HERC1: variants seen among roughly 807,000 people sequenced by gnomAD.
HERC1 encodes the protein probable E3 ubiquitin-protein ligase HERC1.
Under a neutral mutation model 554.3 loss-of-function variants are expected in HERC1, and 160 were observed. That is an observed-to-expected ratio of 0.29 (90% confidence interval 0.25 to 0.33). The LOEUF is 0.33. HERC1 is among the 10% of genes least tolerant of loss of function. The pLI is 1.00. For synonymous variants in HERC1, 2,175 were observed against 2,131.7 expected, an observed-to-expected ratio of 1.02 and a Z score of -0.56; for missense variants, 4,919 against 5,918.5, an observed-to-expected ratio of 0.83 and a Z score of 5.54.
intron 25 of HERC1, among the ~76,000 whole-genome samples, chr15:63,701,818 T>A: frequency 6.7e-6 from 1 of 150,134 alleles, no homozygotes; most frequent in East Asian, 1.9e-4. Context: ...AGAACTTTAA[T>A]TTTTTTTTTA....
At chr15:63,698,618 G>A (rs2072558809) in intron 26 of HERC1, 110 bp downstream of exon 26, 1 of 1,060,556 alleles carries the variant, frequency 9.4e-7, no homozygotes, top group Admixed American at 2.9e-5. Flanking sequence ...TACAGGAAAG[G>A]GGAAGGCAAG....
Position 63,754,504 on chromosome 15 carries a change from C to A in HERC1, c.1774+1G>T. On this transcript the variant is annotated splice_donor_variant, in intron 7 of 77. Coordinates refer to ENST00000443617, the MANE Select transcript of HERC1 (RefSeq NM_003922.4). LOFTEE classifies it high-confidence loss of function. The stretch of plus-strand genomic sequence containing the variant: ...CTACTGATAAATAATTTTTTACATA[C>A]CATTGTCTCCTCCTCCAAAAGACCA... The A allele has an allele frequency of 6.3e-7, 1 of 1,579,812 alleles. No homozygotes were observed. Among genetic ancestry groups the A allele is most frequent in the Non-Finnish European group, 8.6e-7 (1 of 1,166,534 alleles).
In HERC1 at chr15:63,775,578, A is replaced by T; in HGVS notation, c.46T>A (p.Leu16Met). The change falls in exon 2 of 78, where the codon TTG (leucine) becomes ATG (methionine). Residue 16 changes from leucine (L) to methionine (M), a missense_variant. Physicochemically the swap from Leu to Met is conservative, Grantham distance 15 (BLOSUM62 2). Transcript: ENST00000443617. This position sits in a 1 kb window ranked among gnomAD's most constrained non-coding sequence, Gnocchi z 4.0. The stretch of plus-strand genomic sequence containing the variant: ...TCCTCTGTAATCCAGGAGCTGTTCA[A>T]GTGTTCAAGCCATTTCAGCTTCACT... ...PPVKLKWLEH[L>M]NSSWITEDSE... 1.2e-6 allele frequency: 2 copies of T among 1,611,146 alleles called. No individual in the cohort carries two copies. Among genetic ancestry groups the T allele is most frequent in the Non-Finnish European group, 1.7e-6 (2 of 1,178,588 alleles).
At position 63,631,823 on chromosome 15, in the gene HERC1, G is replaced by A. The variant is rs2068571928; in HGVS notation, c.12796+886C>T. Among the ~76,000 whole-genome samples the A allele has an allele frequency of 1.3e-5, 2 of 152,192 alleles. 1 individual carries two copies. Among genetic ancestry groups the A allele is most frequent in the South Asian group, 4.1e-4 (2 of 4,832 alleles). On this transcript the variant is annotated intron_variant, in intron 68 of 77. Transcript: ENST00000443617. ...CCCAAAATGCTGGGATTACAGGTGTGAGCCACGGCGCCCGGCCCTCCCAAG... is the reference window on the plus strand; with the variant it reads ...CCCAAAATGCTGGGATTACAGGTGTAAGCCACGGCGCCCGGCCCTCCCAAG...
In HERC1 at chr15:63,718,956, AT is replaced by A; in HGVS notation, c.3743-60del. The A allele has an allele frequency of 1.7e-6, 2 of 1,181,070 alleles. No homozygotes were observed. Among genetic ancestry groups the A allele is most frequent in the South Asian group, 1.4e-5 (1 of 72,272 alleles). 73.2% of individuals were successfully genotyped at this position (1,181,070 alleles called of 1,614,324 possible). On this transcript the variant is annotated intron_variant, in intron 19 of 77. Coordinates refer to ENST00000443617, the MANE Select transcript of HERC1 (RefSeq NM_003922.4). This position sits in a 1 kb window ranked among gnomAD's most constrained non-coding sequence, Gnocchi z 4.2. ...GGGCTCAGAAAACAGTTCAGAGGTA[AT>A]TTTTATAGCTTTAGTCATCCAACAC... is the stretch of plus-strand genomic sequence containing the variant.
chr15:63,812,184 G>C (rs16947463), intron 1 of HERC1, among the ~76,000 whole-genome samples: 5,929 of 152,242 alleles, frequency 0.039, 216 homozygotes, highest in African/African-American at 0.094. Context: ...TTTACTTAGG[G>C]TTGTGTTTTT....
chr15:63,705,345 G>GGGTC (rs1439415377), intron 25 of HERC1, among the ~76,000 whole-genome samples: 2 of 151,766 alleles, frequency 1.3e-5, no homozygotes, highest in Non-Finnish European at 2.9e-5. Context: ...GCAGAGACAG[G>GGGTC]GGTCTCACTA....
chr15:63,810,532 T>C (rs1312595299), intron 1 of HERC1, among the ~76,000 whole-genome samples: 1 of 151,992 alleles, frequency 6.6e-6, no homozygotes, highest in South Asian at 2.1e-4. Flanking sequence ...ACTAGGAAAA[T>C]GAAGATACAG....
chr15:63,763,894 T>C (rs1264927041), intron 3 of HERC1, among the ~76,000 whole-genome samples: 2 of 152,098 alleles, frequency 1.3e-5, no homozygotes, highest in South Asian at 2.1e-4. Flanking sequence ...TCAAAATAAA[T>C]GAAAGGGTAT....
Position 63,692,618 on chromosome 15 carries a change from T to A in HERC1, c.5675-52A>T. 3.5e-6 allele frequency: 5 copies of A among 1,448,280 alleles called. No homozygotes were observed. Among genetic ancestry groups the A allele is most frequent in the Non-Finnish European group, 3.7e-6 (4 of 1,081,642 alleles). 89.7% of individuals were successfully genotyped at this position (1,448,280 alleles called of 1,614,324 possible). On this transcript the variant is annotated intron_variant, in intron 30 of 77. Coordinates refer to ENST00000443617, the MANE Select transcript of HERC1 (RefSeq NM_003922.4). This position sits in a 1 kb window ranked among gnomAD's most constrained non-coding sequence, Gnocchi z 4.7. ...ACAACCAAGAGCCAACAAGAAATAG[T>A]CTTATATCACATAATTTACCTTGAA...
chr15:63,810,333 T>C (rs1478511998), intron 1 of HERC1, among the ~76,000 whole-genome samples: 1 of 152,078 alleles, frequency 6.6e-6, no homozygotes, highest in African/African-American at 2.4e-5. Flanking sequence ...GAAATAGTAC[T>C]CAGCCATAAA....
intron 55 of HERC1, 50 bp downstream of exon 55, chr15:63,648,019 A>T: frequency 6.8e-7 from 1 of 1,459,952 alleles, no homozygotes; most frequent in South Asian, 1.2e-5. Flanking sequence ...TGCATGTAAC[A>T]AAATTATATT....
rs762837087 is a variant in HERC1, at chr15:63,626,138, C to G, written c.13122G>C (p.Leu4374=). 2 of 1,613,454 alleles carry G rather than the reference C, an allele frequency of 1.2e-6. No homozygotes were observed. The highest frequency in any genetic ancestry group is 2.2e-5 in the South Asian group (2 of 90,978). Residue 4374 remains leucine, a synonymous_variant, in exon 71 of 78, where the codon CTG becomes CTC. Coordinates refer to ENST00000443617, the MANE Select transcript of HERC1 (RefSeq NM_003922.4). ...PPRAPGVSVP[L]QLGLPDTVPP... ...GCACTGTGTCAGGCAGGCCCAGCTG[C>G]AGAGGTACTGACACACCTGTCCAGA...
intron 2 of HERC1, among the ~76,000 whole-genome samples, chr15:63,766,109 G>T (rs928381835): frequency 6.6e-6 from 1 of 151,652 alleles, no homozygotes; most frequent in African/African-American, 2.4e-5. Context: ...CCCACCTCAG[G>T]ATCTACTAAT....
chr15:63,808,441 C>CTACAAG (rs2077198404), intron 1 of HERC1, among the ~76,000 whole-genome samples: 1 of 152,138 alleles, frequency 6.6e-6, no homozygotes, highest in African/African-American at 2.4e-5. Flanking sequence ...GCACATGCTA[C>CTACAAG]CACTCAGCTA....
intron 1 of HERC1, among the ~76,000 whole-genome samples, chr15:63,782,842 A>G (rs534254613): frequency 2.6e-5 from 4 of 152,318 alleles, no homozygotes; most frequent in East Asian, 3.9e-4. Flanking sequence ...TCTAACCCCT[A>G]CGGATGACTT....
intron 33 of HERC1, 142 bp from the exon 34 acceptor site, chr15:63,686,677 C>A: frequency 1.5e-6 from 1 of 658,364 alleles, no homozygotes; most frequent in Non-Finnish European, 2.5e-6. Context: ...AACAGGAACA[C>A]AATGATAAAT....
At chr15:63,747,915 G>T (rs79022805) in intron 10 of HERC1, 57 bp from the exon 11 acceptor site, 4 of 1,477,842 alleles carry the variant, frequency 2.7e-6, no homozygotes, top group South Asian at 2.6e-5. Context: ...TTTTATGCAC[G>T]ATCAAAAACG....
Position 63,758,292 on chromosome 15 carries a change from G to A in HERC1, c.1104C>T (p.Val368=). 1 of 1,613,642 alleles carries A rather than the reference G, an allele frequency of 6.2e-7. No homozygotes were observed. Among genetic ancestry groups the A allele is most frequent in the Non-Finnish European group, 8.5e-7 (1 of 1,179,662 alleles). ...AAACATAAACCTCACAGGTTTCGGA[G>A]ACAATGGGAGCATCACCAGTCTGAA... ...DSIQTGDAPI[V]SETCEVYVWG... The change falls in exon 4 of 78, where the codon GTC becomes GTT. Residue 368 remains valine (V), a synonymous_variant. Transcript: ENST00000443617. The surrounding 1 kb of genome is among the most constrained non-coding windows in gnomAD (Gnocchi z 4.0).
Sources: allele counts gnomAD v4.1 joint callset (sites outside exome capture counted in the v4.1 genomes callset), GRCh38; gene constraint gnomAD v4.1.1; non-coding constraint Gnocchi (gnomAD v3.1); transcripts MANE v1.5; gene names NCBI Gene and HGNC (gene_info 2026-07-23, HGNC 2026-07-21).